MAP4K4: variants seen among roughly 807,000 people sequenced by gnomAD.
The protein encoded by MAP4K4 is mitogen-activated protein kinase kinase kinase kinase 4, also known as HPK/GCK-like kinase HGK.
Under a neutral mutation model 189.6 loss-of-function variants are expected in MAP4K4, and 38 were observed. The ratio of observed to expected loss-of-function variants is 0.20; its 90% CI spans 0.15 to 0.26. The LOEUF is 0.26. Among genes scored for constraint, MAP4K4 ranks in the 10% least tolerant of loss-of-function variants. MAP4K4 has a pLI of 1.00. For missense variants in MAP4K4, 1,054 were observed against 1,726.9 expected, an observed-to-expected ratio of 0.61 and a Z score of 6.91; for synonymous variants, 610 against 624.3, an observed-to-expected ratio of 0.98 and a Z score of 0.34.
intron 28 of MAP4K4, among the ~76,000 whole-genome samples, chr2:101,884,347 C>G (rs1355974436): frequency 1.3e-5 from 2 of 152,166 alleles, no homozygotes; most frequent in African/African-American, 4.8e-5. Flanking sequence ...GAGTTTCTAT[C>G]ATCGCAGAAG....
Position 101,864,805 on chromosome 2 carries a change from G to T in MAP4K4, c.2098-125G>T, listed in dbSNP as rs2097768694. The T allele has an allele frequency of 6.2e-6, 4 of 648,242 alleles. No homozygotes were observed. The Admixed American group carries it at 1.1e-4, about 17-fold the overall frequency. The allele number at this position is 648,242 out of a possible 1,614,324, so 40.2% of individuals were successfully genotyped here. ...ACCAGGGAAGGAGTTGGGGTGGGGA[G>T]TGGAGGTGATAGGAAGGACTGCTTT... On this transcript the variant is annotated intron_variant, in intron 17 of 32. Transcript: ENST00000324219.
chr2:101,742,441 C>T (rs1202562989), intron 2 of MAP4K4, among the ~76,000 whole-genome samples: 1 of 152,112 alleles, frequency 6.6e-6, no homozygotes, highest in Non-Finnish European at 1.5e-5. Context: ...AGCCACGCTG[C>T]CTGTGTGCCC....
chr2:101,816,264 T>C (rs1368084297), intron 3 of MAP4K4, among the ~76,000 whole-genome samples: 1 of 152,216 alleles, frequency 6.6e-6, no homozygotes, highest in Non-Finnish European at 1.5e-5. Context: ...GATACTTTAT[T>C]TTGGCCAGGA....
rs5832982 is a variant in MAP4K4 at position 101,700,781 on chromosome 2, GT to G, written c.123+2258del. Among the ~76,000 whole-genome samples the G allele has an allele frequency of 4.0e-3, 558 of 140,704 alleles. 2 individuals carry two copies. The highest frequency in any genetic ancestry group is 8.0e-3 in the African/African-American group (303 of 38,024). The allele number at this position is 140,704 out of a possible 152,430, so 92.3% of individuals were successfully genotyped here. A position where few individuals can be genotyped will look rare whatever the true frequency, so the allele number is the denominator to read the frequency against. The stretch of plus-strand genomic sequence containing the variant: ...ATTGTCTCATACATCAGTAAAATGT[GT>G]TTTTTTTTTTTTTTACTATAACAAG... On this transcript the variant is annotated intron_variant, in intron 2 of 32. Transcript: ENST00000324219.
intron 2 of MAP4K4, among the ~76,000 whole-genome samples, chr2:101,711,355 A>G (rs1278218032): frequency 6.6e-6 from 1 of 152,118 alleles, no homozygotes; most frequent in Admixed American, 6.5e-5. Context: ...CCAGGGTTCA[A>G]GCAATTCTCC....
At chr2:101,848,194 C>A (rs770372461) in intron 12 of MAP4K4, among the ~76,000 whole-genome samples, 4 of 152,178 alleles carry the variant, frequency 2.6e-5, no homozygotes, top group Admixed American at 2.6e-4. Flanking sequence ...TACTTTATAT[C>A]ATCTCTGGAT....
intron 3 of MAP4K4, among the ~76,000 whole-genome samples, chr2:101,800,998 C>T (rs752524745): frequency 6.7e-6 from 1 of 149,800 alleles, no homozygotes. Flanking sequence ...TAAAAAAAAT[C>T]GCCCAACAAA....
At chr2:101,836,723 G>A (rs1417852696) in intron 9 of MAP4K4, among the ~76,000 whole-genome samples, 1 of 152,022 alleles carries the variant, frequency 6.6e-6, no homozygotes, top group Non-Finnish European at 1.5e-5. Flanking sequence ...AGCTTTAATC[G>A]CAGAATAGCA....
intron 2 of MAP4K4, among the ~76,000 whole-genome samples, chr2:101,771,928 T>C (rs2081647525): frequency 6.6e-6 from 1 of 152,198 alleles, no homozygotes; most frequent in Admixed American, 6.5e-5. Context: ...TGATTGATGA[T>C]TTGGAAATCT....
rs538613576 is a variant in MAP4K4 at position 101,749,013 on chromosome 2, T to C, written c.124-41707T>C. ...CACTGCTCAAGGAAATAAAAGAGGA[T>C]ACAAACAAATGGAAGAACATTCCAT... On this transcript the variant is annotated intron_variant, in intron 2 of 32. Transcript: ENST00000324219. Among the ~76,000 whole-genome samples, 530 of 142,218 alleles carry C rather than the reference T, an allele frequency of 3.7e-3. 2 individuals are homozygous for C. Among genetic ancestry groups the C allele is most frequent in the Middle Eastern group, 0.018 (5 of 278 alleles). The allele number at this position is 142,218 out of a possible 152,430, so 93.3% of individuals were successfully genotyped here. A position where few individuals can be genotyped will look rare whatever the true frequency, so the allele number is the denominator to read the frequency against.
At chr2:101,874,212 G>C in exon 26 of MAP4K4, 1 of 1,612,686 alleles carries the variant, frequency 6.2e-7, no homozygotes, top group Non-Finnish European at 8.5e-7. Context: ...GTAAATACAA[G>C]AAGAGGTTTA....
chr2:101,833,479 G>A (rs568876110), intron 7 of MAP4K4, among the ~76,000 whole-genome samples: 6 of 152,164 alleles, frequency 3.9e-5, no homozygotes, highest in Middle Eastern at 3.4e-3. Flanking sequence ...AATTAGCCGG[G>A]CATGGTGGCG....
chr2:101,760,855 T>A (rs888045872), intron 2 of MAP4K4, among the ~76,000 whole-genome samples: 1 of 152,028 alleles, frequency 6.6e-6, no homozygotes, highest in African/African-American at 2.4e-5. Flanking sequence ...AATACTAAAT[T>A]AGCTGGGCGT....
At chr2:101,807,107 C>T (rs2095025587) in intron 3 of MAP4K4, among the ~76,000 whole-genome samples, 2 of 151,164 alleles carry the variant, frequency 1.3e-5, no homozygotes, top group South Asian at 4.2e-4. Context: ...GGCTAGAGTG[C>T]AGTGGTTTGA....
intron 13 of MAP4K4, among the ~76,000 whole-genome samples, chr2:101,857,724 C>A (rs1029525970): frequency 2.0e-5 from 3 of 151,948 alleles, no homozygotes; most frequent in Admixed American, 1.3e-4. Flanking sequence ...TCTGCCCACA[C>A]CCCCCCAGTT....
At chr2:101,817,875 A>C (rs1247519530) in intron 3 of MAP4K4, among the ~76,000 whole-genome samples, 1 of 151,968 alleles carries the variant, frequency 6.6e-6, no homozygotes, top group East Asian at 1.9e-4. Context: ...GTTTTTATTG[A>C]GACTGATTGA....
chr2:101,873,856 C>T, intron 25 of MAP4K4, 92 bp downstream of exon 25: 3 of 936,870 alleles, frequency 3.2e-6, no homozygotes, highest in Non-Finnish European at 4.9e-6. Flanking sequence ...TGGTTGTTCA[C>T]AGGCACAGAC....
intron 19 of MAP4K4, 149 bp from the exon 20 acceptor site, chr2:101,867,063 G>GC: frequency 1.7e-6 from 1 of 597,904 alleles, no homozygotes; most frequent in Non-Finnish European, 3.0e-6. Flanking sequence ...CCCTCCTTGG[G>GC]CCCCCTCTGC....
intron 2 of MAP4K4, among the ~76,000 whole-genome samples, chr2:101,750,781 C>T (rs1430535303): frequency 2.0e-5 from 3 of 150,692 alleles, no homozygotes; most frequent in Non-Finnish European, 3.0e-5. Context: ...GCCAAGATTG[C>T]ACCACTTGCA....
Sources: gnomAD v4.1 joint callset for allele counts (sites outside exome capture counted in the v4.1 genomes callset) on GRCh38, gnomAD v4.1.1 for gene constraint, MANE v1.5 for transcripts, NCBI Gene and HGNC (gene_info 2026-07-23, HGNC 2026-07-21) for gene names.